NCAM2: variants seen among roughly 807,000 people sequenced by gnomAD.
The protein encoded by NCAM2 is neural cell adhesion molecule 2.
In NCAM2, 30 loss-of-function variants were observed where a neutral mutation model predicts 98.1. The observed-to-expected ratio is 0.31, with a 90% CI of 0.23 to 0.41. The LOEUF (loss-of-function observed/expected upper bound fraction) is 0.41. Ranked by LOEUF, NCAM2 falls within the 10% of genes least tolerant of loss-of-function variation. The pLI is 1.00. For synonymous variants in NCAM2, 368 were observed against 342.4 expected (o/e 1.07, Z -0.83); for missense variants, 867 against 1,005.8 (o/e 0.86, Z 1.87).
intron 9 of NCAM2, among the ~76,000 whole-genome samples, chr21:21,387,187 T>TAC (rs61585220): frequency 0.18 from 21,866 of 121,036 alleles, 1,627 homozygotes; most frequent in Middle Eastern, 0.26. Flanking sequence ...CACACACACA[T>TAC]ACACACACAC....
chr21:21,151,274 AT>A (rs1162812086), intron 1 of NCAM2, among the ~76,000 whole-genome samples: 4 of 152,072 alleles, frequency 2.6e-5, no homozygotes, highest in African/African-American at 9.6e-5. Flanking sequence ...TTTAATGTGT[AT>A]TTTTTATCAT....
chr21:21,395,182 A>C (rs1417352439), intron 9 of NCAM2, among the ~76,000 whole-genome samples: 1 of 152,182 alleles, frequency 6.6e-6, no homozygotes, highest in South Asian at 2.1e-4. Context: ...GAATACAAAA[A>C]AAATTAGCTG....
chr21:21,426,742 T>G (rs2077222505), intron 11 of NCAM2, among the ~76,000 whole-genome samples: 1 of 152,090 alleles, frequency 6.6e-6, no homozygotes, highest in Admixed American at 6.6e-5. Context: ...CTGAGAAAAG[T>G]GGGACTGACA....
chr21:21,106,778 T>C (rs2066358436), intron 1 of NCAM2, among the ~76,000 whole-genome samples: 1 of 151,874 alleles, frequency 6.6e-6, no homozygotes, highest in South Asian at 2.1e-4. Context: ...CCGCTACAGA[T>C]TTAGTAGAGT....
At chr21:21,432,970 T>C (rs1362674068) in intron 12 of NCAM2, among the ~76,000 whole-genome samples, 1 of 152,306 alleles carries the variant, frequency 6.6e-6, no homozygotes, top group Non-Finnish European at 1.5e-5. Flanking sequence ...AAATTAATGT[T>C]CCATAGGTCT....
At position 21,543,169 on chromosome 21, in the gene NCAM2, T is replaced by C. The variant is rs1990301987; in HGVS notation, c.*5212T>C. 1 of 151,860 alleles carries C rather than the reference T, an allele frequency of 6.6e-6. No homozygotes were observed. The highest frequency in any genetic ancestry group is 1.5e-5 in the Non-Finnish European group (1 of 67,856). 9.4% of individuals were successfully genotyped at this position (151,860 alleles called of 1,614,324 possible). A position where few individuals can be genotyped will look rare whatever the true frequency, so the allele number is the denominator to read the frequency against. The stretch of plus-strand genomic sequence containing the variant: ...TTTCTTATTGTTTCAATATGGTATG[T>C]CCCAATGAAATGCTGTATATATATG... On this transcript the variant is annotated 3_prime_UTR_variant, in exon 18 of 18. Transcript: ENST00000400546.
At chr21:21,268,042 A>G (rs1005712390) in intron 1 of NCAM2, among the ~76,000 whole-genome samples, 2 of 152,080 alleles carry the variant, frequency 1.3e-5, no homozygotes, top group African/African-American at 2.4e-5. Context: ...CGGCTGCAGC[A>G]TTTTTGGCTC....
intron 6 of NCAM2, among the ~76,000 whole-genome samples, chr21:21,329,591 T>A (rs1188519272): frequency 2.6e-5 from 4 of 152,190 alleles, no homozygotes; most frequent in Non-Finnish European, 5.9e-5. Flanking sequence ...TTGTTAAGAA[T>A]TTTTTATATT....
intron 15 of NCAM2, among the ~76,000 whole-genome samples, chr21:21,484,155 G>T (rs1000494959): frequency 1.3e-5 from 2 of 152,066 alleles, no homozygotes; most frequent in Non-Finnish European, 2.9e-5. Context: ...ATCAGTGACA[G>T]AATTAATTTC....
intron 1 of NCAM2, among the ~76,000 whole-genome samples, chr21:21,135,729 T>G (rs1248391077): frequency 6.6e-6 from 1 of 152,128 alleles, no homozygotes; most frequent in Non-Finnish European, 1.5e-5. Context: ...TTTGCCAAAT[T>G]CAACTCCTAG....
At chr21:21,403,591 C>G (rs1286402016) in intron 9 of NCAM2, among the ~76,000 whole-genome samples, 1 of 152,114 alleles carries the variant, frequency 6.6e-6, no homozygotes, top group African/African-American at 2.4e-5. Context: ...TATTCATAGA[C>G]ATAAATTTTG....
intron 1 of NCAM2, among the ~76,000 whole-genome samples, chr21:21,215,465 A>G (rs1356393564): frequency 6.6e-6 from 1 of 152,158 alleles, no homozygotes; most frequent in Non-Finnish European, 1.5e-5. Context: ...TGTGCCTGTA[A>G]TCCCAGCACT....
At chr21:21,306,938 T>C (rs1255557937) in intron 5 of NCAM2, among the ~76,000 whole-genome samples, 2 of 151,774 alleles carry the variant, frequency 1.3e-5, no homozygotes, top group Non-Finnish European at 2.9e-5. Flanking sequence ...TAAGTGAGAG[T>C]ATGCAATGTT....
intron 1 of NCAM2, among the ~76,000 whole-genome samples, chr21:21,020,547 C>T (rs2064411002): frequency 6.6e-6 from 1 of 152,178 alleles, no homozygotes; most frequent in African/African-American, 2.4e-5. Context: ...ACAGCGTGAC[C>T]ACAGCACAAG....
At chr21:21,053,645 AT>A (rs1188003232) in intron 1 of NCAM2, among the ~76,000 whole-genome samples, 1 of 149,288 alleles carries the variant, frequency 6.7e-6, no homozygotes, top group Non-Finnish European at 1.5e-5. Flanking sequence ...ATGCGCTATC[AT>A]TTTTTCCCTC....
chr21:21,467,146 G>T (rs1983787561), intron 13 of NCAM2, among the ~76,000 whole-genome samples: 1 of 151,782 alleles, frequency 6.6e-6, no homozygotes, highest in Admixed American at 6.6e-5. Context: ...GTCAGAAAAG[G>T]AATCATTATG....
At chr21:21,435,313 A>G (rs1400233371) in intron 12 of NCAM2, among the ~76,000 whole-genome samples, 1 of 152,150 alleles carries the variant, frequency 6.6e-6, no homozygotes, top group Non-Finnish European at 1.5e-5. Flanking sequence ...CAGAAGTCCA[A>G]ATTTCCAAAT....
chr21:21,495,296 T>C (rs762750360), intron 15 of NCAM2, among the ~76,000 whole-genome samples: 1 of 152,036 alleles, frequency 6.6e-6, no homozygotes, highest in Non-Finnish European at 1.5e-5. Flanking sequence ...ACTAATCATA[T>C]ATAAGGGGCT....
At chr21:21,452,627 ATATAT>A (rs1208819258) in intron 12 of NCAM2, among the ~76,000 whole-genome samples, 1 of 113,596 alleles carries the variant, frequency 8.8e-6, no homozygotes, top group East Asian at 2.4e-4. Context: ...AATATATACA[ATATAT>A]TATATATTAT....
Sources: allele counts gnomAD v4.1 joint callset (sites outside exome capture counted in the v4.1 genomes callset), GRCh38; gene constraint gnomAD v4.1.1; transcripts MANE v1.5; gene names NCBI Gene and HGNC (gene_info 2026-07-23, HGNC 2026-07-21).